HEMK2: variants seen among roughly 807,000 people sequenced by gnomAD.
The protein encoded by HEMK2 is HemK methyltransferase 2, ETF1 glutamine and histone H4 lysine.
At chr21:28,649,055 G>A in the HEMK2 span, among the ~76,000 whole-genome samples, 2 of 151,566 alleles carry the variant, frequency 1.3e-5, no homozygotes, top group Non-Finnish European at 2.9e-5. Context: ...TTGTCCTTGC[G>A]ATAGTTTGCT....
At chr21:28,656,678 C>A in the HEMK2 span, among the ~76,000 whole-genome samples, 1 of 152,034 alleles carries the variant, frequency 6.6e-6, no homozygotes, top group African/African-American at 2.4e-5. Flanking sequence ...ATCATTTACA[C>A]GACCAAAGAC....
At chr21:28,829,605 T>C in the HEMK2 span, among the ~76,000 whole-genome samples, 1 of 152,134 alleles carries the variant, frequency 6.6e-6, no homozygotes, top group African/African-American at 2.4e-5. Flanking sequence ...AATTATCCAG[T>C]CTCAGGTATT....
At chr21:28,592,162 C>T in the HEMK2 span, among the ~76,000 whole-genome samples, 6 of 152,308 alleles carry the variant, frequency 3.9e-5, no homozygotes, top group African/African-American at 1.4e-4. Context: ...TTTACACTCC[C>T]ACCAACAGTG....
the HEMK2 span, among the ~76,000 whole-genome samples, chr21:28,663,751 T>C: frequency 1.3e-5 from 2 of 152,216 alleles, no homozygotes; most frequent in South Asian, 4.1e-4. Flanking sequence ...GCCACTACCA[T>C]GATCACTCAC....
the HEMK2 span, among the ~76,000 whole-genome samples, chr21:28,613,749 T>A: frequency 6.7e-6 from 1 of 150,074 alleles, no homozygotes; most frequent in South Asian, 2.1e-4. Flanking sequence ...CAAGATAGCA[T>A]TTGTATTAAA....
chr21:28,765,039 T>C, the HEMK2 span, among the ~76,000 whole-genome samples: 10 of 152,234 alleles, frequency 6.6e-5, no homozygotes, highest in African/African-American at 2.4e-4. Context: ...ATGAAGTTGA[T>C]AGAATATATG....
the HEMK2 span, among the ~76,000 whole-genome samples, chr21:28,723,395 C>G: frequency 6.6e-6 from 1 of 152,168 alleles, no homozygotes; most frequent in Non-Finnish European, 1.5e-5. Context: ...CTCTGCTACA[C>G]AGGGAAGCCT....
At chr21:28,792,355 T>G in the HEMK2 span, among the ~76,000 whole-genome samples, 2 of 152,198 alleles carry the variant, frequency 1.3e-5, no homozygotes, top group Non-Finnish European at 2.9e-5. Context: ...TTGTGTGGAC[T>G]TGTCCCAAAT....
At chr21:28,595,709 C>T in the HEMK2 span, among the ~76,000 whole-genome samples, 1 of 152,126 alleles carries the variant, frequency 6.6e-6, no homozygotes, top group African/African-American at 2.4e-5. Flanking sequence ...GGGATTGCTA[C>T]ATTGTATGGC....
At chr21:28,837,103 G>A in the HEMK2 span, among the ~76,000 whole-genome samples, 7 of 152,240 alleles carry the variant, frequency 4.6e-5, no homozygotes, top group East Asian at 9.6e-4. Context: ...AGTGGGGGAC[G>A]TCAGCATTCC....
At chr21:28,825,180 G>T in the HEMK2 span, among the ~76,000 whole-genome samples, 1 of 152,158 alleles carries the variant, frequency 6.6e-6, no homozygotes, top group African/African-American at 2.4e-5. Context: ...CATGACCCAG[G>T]GAAGGGGCTC....
the HEMK2 span, among the ~76,000 whole-genome samples, chr21:28,647,351 C>A: frequency 8.1e-3 from 952 of 117,198 alleles, no homozygotes; most frequent in East Asian, 0.011. Context: ...AAAAAACATA[C>A]AAAAAAATTA....
At chr21:28,699,562 A>C in the HEMK2 span, among the ~76,000 whole-genome samples, 3 of 152,230 alleles carry the variant, frequency 2.0e-5, no homozygotes, top group Non-Finnish European at 4.4e-5. Flanking sequence ...TATCATTGGC[A>C]TTTTAGGGTT....
At chr21:28,770,004 T>C in the HEMK2 span, among the ~76,000 whole-genome samples, 1 of 152,100 alleles carries the variant, frequency 6.6e-6, no homozygotes, top group Admixed American at 6.6e-5. Flanking sequence ...ACCCTCAGCA[T>C]TGTGGGGCAG....
the HEMK2 span, among the ~76,000 whole-genome samples, chr21:28,730,418 A>ACACACACACATAATTTAT: frequency 7.7e-5 from 11 of 142,296 alleles, no homozygotes; most frequent in African/African-American, 2.7e-4. Context: ...ACACACACAC[A>ACACACACACATAATTTAT]TTTCTCACAA....
the HEMK2 span, among the ~76,000 whole-genome samples, chr21:28,631,791 C>T: frequency 0.012 from 1,350 of 110,066 alleles, 8 homozygotes; most frequent in Admixed American, 0.016. Flanking sequence ...GACTTCAAGA[C>T]TTTGTTAAAA....
the HEMK2 span, among the ~76,000 whole-genome samples, chr21:28,884,946 G>A: frequency 3.5e-4 from 53 of 152,320 alleles, no homozygotes; most frequent in Admixed American, 2.8e-3. Context: ...ACAGGCGACA[G>A]GAAAAGATAC....
At chr21:28,588,638 G>A in the HEMK2 span, among the ~76,000 whole-genome samples, 1 of 152,154 alleles carries the variant, frequency 6.6e-6, no homozygotes, top group African/African-American at 2.4e-5. Context: ...CAACATAGAT[G>A]TAATAATGCA....
At chr21:28,720,870 T>C in the HEMK2 span, among the ~76,000 whole-genome samples, 6 of 152,316 alleles carry the variant, frequency 3.9e-5, no homozygotes, top group African/African-American at 1.4e-4. Flanking sequence ...CTCTTCTCCA[T>C]ACTTCTTGAG....
Sources: gnomAD v4.1 joint callset for allele counts (sites outside exome capture counted in the v4.1 genomes callset) on GRCh38, gnomAD v4.1.1 for gene constraint, MANE v1.5 for transcripts, NCBI Gene and HGNC (gene_info 2026-07-23, HGNC 2026-07-21) for gene names.